Variants in PTPRB observed in about 807,000 individuals in gnomAD.
The protein encoded by PTPRB is protein tyrosine phosphatase receptor type B, also known as receptor-type tyrosine-protein phosphatase beta.
PTPRB carries 97 observed loss-of-function variants against 238.1 expected under a neutral mutation model. That is an observed-to-expected ratio of 0.41 (90% CI 0.35 to 0.48). PTPRB has a LOEUF of 0.48. Among genes scored for constraint, PTPRB ranks in the 20% least tolerant of loss-of-function variants. PTPRB has a pLI of 0.30. For missense variants in PTPRB, 2,292 were observed against 2,681.9 expected (o/e 0.85, Z 3.21); for synonymous variants, 970 against 995.4 (o/e 0.97, Z 0.48).
Position 70,566,719 on chromosome 12 carries a change from G to A in PTPRB, c.3635-15C>T, listed in dbSNP as rs770382629. 4 of 1,607,256 alleles carry A rather than the reference G, an allele frequency of 2.5e-6. No homozygotes were observed. The highest frequency in any genetic ancestry group is 4.5e-5 in the East Asian group (2 of 44,768). On this transcript the variant is annotated splice_polypyrimidine_tract_variant and intron_variant, in intron 14 of 33. Coordinates refer to ENST00000334414, the MANE Select transcript of PTPRB (RefSeq NM_001109754.4). ...AGATGCTGGAACTGCAGAGAGACAA[G>A]TGGAGCAACAAAATACAGATTTTAT...
intron 20 of PTPRB, among the ~76,000 whole-genome samples, chr12:70,553,411 T>C (rs1482280724): frequency 6.6e-6 from 1 of 152,166 alleles, no homozygotes; most frequent in East Asian, 1.9e-4. Flanking sequence ...GAAACCCCTA[T>C]GACCTGGGAA....
At chr12:70,616,169 C>G (rs950815057) in intron 3 of PTPRB, among the ~76,000 whole-genome samples, 9 of 151,880 alleles carry the variant, frequency 5.9e-5, no homozygotes, top group African/African-American at 2.2e-4. Context: ...GTCTCAAACT[C>G]CTGGGCTCAT....
intron 8 of PTPRB, 104 bp from the exon 9 acceptor site, chr12:70,587,371 A>T (rs966890275): frequency 6.8e-6 from 9 of 1,317,972 alleles, no homozygotes; most frequent in Non-Finnish European, 9.3e-6. Context: ...GTTTCAGTTC[A>T]ACATTTATTT....
chr12:70,555,378 A>G, intron 19 of PTPRB, 69 bp from the exon 20 acceptor site: 1 of 1,398,338 alleles, frequency 7.2e-7, no homozygotes, highest in Non-Finnish European at 9.9e-7. Flanking sequence ...AACAACAGTT[A>G]GTGAAATGAA....
chr12:70,625,231 C>T (rs889013264), intron 2 of PTPRB, among the ~76,000 whole-genome samples: 5 of 152,146 alleles, frequency 3.3e-5, no homozygotes, highest in South Asian at 2.1e-4. Flanking sequence ...TAACATTCAA[C>T]TTCCAAGTTT....
At chr12:70,611,925 C>A (rs2136553552) in intron 3 of PTPRB, among the ~76,000 whole-genome samples, 1 of 152,348 alleles carries the variant, frequency 6.6e-6, no homozygotes, top group South Asian at 2.1e-4. Context: ...CTGCTCTCCA[C>A]AGATACTGCA....
chr12:70,571,394 C>T, intron 12 of PTPRB, 105 bp from the exon 13 acceptor site: 2 of 1,114,900 alleles, frequency 1.8e-6, no homozygotes, highest in Non-Finnish European at 2.5e-6. Flanking sequence ...TCTCCCTTCC[C>T]CAAATAAACC....
intron 2 of PTPRB, among the ~76,000 whole-genome samples, chr12:70,628,788 C>G (rs1885317079): frequency 6.6e-6 from 1 of 152,046 alleles, no homozygotes; most frequent in South Asian, 2.1e-4. Context: ...TGGTCTTGAA[C>G]TCCTGGCATC....
intron 32 of PTPRB, among the ~76,000 whole-genome samples, chr12:70,531,506 A>G (rs1204495535): frequency 5.3e-5 from 8 of 152,310 alleles, no homozygotes; most frequent in African/African-American, 1.9e-4. Flanking sequence ...ATAGTGGCCA[A>G]GCCACCTCAG....
intron 2 of PTPRB, among the ~76,000 whole-genome samples, chr12:70,634,202 A>G (rs1885582597): frequency 2.0e-5 from 3 of 152,152 alleles, no homozygotes; most frequent in Admixed American, 1.3e-4. Context: ...AGAATGAATG[A>G]GTGAGAAAAA....
chr12:70,552,609 A>G (rs942789258), intron 21 of PTPRB, among the ~76,000 whole-genome samples, 168 bp downstream of exon 21: 8 of 152,198 alleles, frequency 5.3e-5, no homozygotes, highest in African/African-American at 1.7e-4. Context: ...CATTACCTGC[A>G]AGTGGAGGCA....
chr12:70,549,991 A>G (rs1469242806), intron 21 of PTPRB, among the ~76,000 whole-genome samples: 2 of 152,230 alleles, frequency 1.3e-5, no homozygotes, highest in African/African-American at 4.8e-5. Context: ...ATTGTTTTGT[A>G]ACCAATGACA....
Position 70,597,176 on chromosome 12 carries a change from C to A in PTPRB, c.980-849G>T, listed in dbSNP as rs183971094. Among the ~76,000 whole-genome samples the A allele has an allele frequency of 5.0e-3, 767 of 152,250 alleles. 10 individuals are homozygous for A. Among genetic ancestry groups the A allele is most frequent in the African/African-American group, 0.018 (732 of 41,532 alleles). ...ACTTCAGGTGATCTGCCCGCCTCAG[C>A]TTCCCAAGGTGCTGGGATTACAGGC... On this transcript the variant is annotated intron_variant, in intron 4 of 33. Coordinates refer to ENST00000334414, the MANE Select transcript of PTPRB (RefSeq NM_001109754.4).
chr12:70,613,955 A>T (rs2136558707), intron 3 of PTPRB, among the ~76,000 whole-genome samples: 1 of 152,324 alleles, frequency 6.6e-6, no homozygotes, highest in Non-Finnish European at 1.5e-5. Flanking sequence ...GAGCAAAGGA[A>T]TGACAAAGAA....
At chr12:70,617,607 T>C (rs908081338) in intron 3 of PTPRB, among the ~76,000 whole-genome samples, 1 of 152,186 alleles carries the variant, frequency 6.6e-6, no homozygotes, top group Non-Finnish European at 1.5e-5. Flanking sequence ...GTGTCTCCCC[T>C]GCATACTTTA....
intron 3 of PTPRB, among the ~76,000 whole-genome samples, chr12:70,615,162 T>A (rs1437880248): frequency 6.6e-6 from 1 of 152,200 alleles, no homozygotes; most frequent in Non-Finnish European, 1.5e-5. Context: ...AAACAATGAA[T>A]GCTGCGCAGT....
chr12:70,583,526 A>C (rs888534123), intron 9 of PTPRB, among the ~76,000 whole-genome samples: 4 of 152,148 alleles, frequency 2.6e-5, no homozygotes, highest in Non-Finnish European at 5.9e-5. Flanking sequence ...CAGGCTGAAG[A>C]AACTCATAGC....
intron 18 of PTPRB, among the ~76,000 whole-genome samples, chr12:70,557,834 G>T (rs1877926166): frequency 6.6e-6 from 1 of 152,194 alleles, no homozygotes; most frequent in Admixed American, 6.5e-5. Context: ...ATGGTAGATG[G>T]CGAACACCAA....
At chr12:70,564,701 C>T (rs889955804) in intron 15 of PTPRB, among the ~76,000 whole-genome samples, 1 of 151,644 alleles carries the variant, frequency 6.6e-6, no homozygotes, top group Non-Finnish European at 1.5e-5. Context: ...GGTGTGGTGG[C>T]ACATGCCTGA....
Sources: gnomAD v4.1 joint callset for allele counts (sites outside exome capture counted in the v4.1 genomes callset) on GRCh38, gnomAD v4.1.1 for gene constraint, MANE v1.5 for transcripts, NCBI Gene and HGNC (gene_info 2026-07-23, HGNC 2026-07-21) for gene names.